CDC14A: variants seen among roughly 807,000 people sequenced by gnomAD.
CDC14A encodes the protein cell division cycle 14A.
In CDC14A, 53 loss-of-function variants were observed where a neutral mutation model predicts 74.4. The ratio of observed to expected loss-of-function variants is 0.71; its 90% CI spans 0.57 to 0.89. The LOEUF (loss-of-function observed/expected upper bound fraction) is 0.89. Ranked by LOEUF, CDC14A falls within the 40% of genes least tolerant of loss-of-function variation. The probability of loss-of-function intolerance (pLI) is 0.00; values close to 1 mark genes in which losing one functional copy is unlikely to be tolerated. For synonymous variants in CDC14A, 247 were observed against 258.4 expected (o/e 0.96, Z 0.43); for missense variants, 646 against 713.7 (o/e 0.91, Z 1.08).
chr1:100,350,088 A>G (rs921368575), upstream of CDC14A, among the ~76,000 whole-genome samples: 13 of 152,130 alleles, frequency 8.5e-5, no homozygotes, highest in African/African-American at 3.1e-4. Flanking sequence ...AGTAGCTGGG[A>G]TTACAGGTGT....
chr1:100,455,440 A>C lies in CDC14A; in HGVS notation c.555A>C (p.Pro185=), dbSNP rs1401679531. ...VENGDFNWIV[P]GKFLAFSGPH... The stretch of plus-strand genomic sequence containing the variant: ...ATGGTGACTTCAACTGGATTGTTCC[A>C]GGAAAATTTTTAGCATTTAGTGGAC... Residue 185 remains proline (P), a synonymous_variant, in exon 8 of 16, where the codon CCA becomes CCC. Coordinates refer to ENST00000336454, the MANE Select transcript of CDC14A (RefSeq NM_003672.4). 2 of 1,603,668 alleles carry C rather than the reference A, an allele frequency of 1.2e-6. No individual in the cohort carries two copies. Among genetic ancestry groups the C allele is most frequent in the South Asian group, 2.3e-5 (2 of 86,934 alleles).
intron 5 of CDC14A, among the ~76,000 whole-genome samples, chr1:100,438,731 G>A: frequency 6.6e-6 from 1 of 152,236 alleles, no homozygotes; most frequent in East Asian, 1.9e-4. Flanking sequence ...TCGGGATGCT[G>A]AAACTCAGGG....
chr1:100,452,135 A>C (rs1334896243), intron 7 of CDC14A, among the ~76,000 whole-genome samples: 2 of 152,210 alleles, frequency 1.3e-5, no homozygotes, highest in African/African-American at 2.4e-5. Flanking sequence ...TACAGTAGTA[A>C]AAAGGTCAAA....
chr1:100,356,611 T>G (rs531686510), intron 2 of CDC14A, among the ~76,000 whole-genome samples: 25 of 151,998 alleles, frequency 1.6e-4, no homozygotes, highest in South Asian at 4.1e-4. Flanking sequence ...ATCACAGCAC[T>G]TTGGGAGGCC....
intron 10 of CDC14A, among the ~76,000 whole-genome samples, chr1:100,472,074 G>A (rs772682376): frequency 1.7e-4 from 26 of 151,970 alleles, no homozygotes; most frequent in Non-Finnish European, 1.0e-4. Flanking sequence ...ATAATAATGG[G>A]CACTGTACTT....
chr1:100,355,102 G>A (rs1651702501), intron 2 of CDC14A, among the ~76,000 whole-genome samples: 1 of 152,214 alleles, frequency 6.6e-6, no homozygotes, highest in Admixed American at 6.5e-5. Flanking sequence ...CTGAGTCCCT[G>A]GTGTCAGATT....
intron 11 of CDC14A, among the ~76,000 whole-genome samples, chr1:100,487,852 A>G (rs1400670604): frequency 3.3e-5 from 5 of 152,134 alleles, no homozygotes; most frequent in African/African-American, 4.8e-5. Flanking sequence ...GCCTTGCACT[A>G]TACTTTTCCC....
At chr1:100,369,140 A>G (rs951578660) in intron 2 of CDC14A, among the ~76,000 whole-genome samples, 3 of 149,780 alleles carry the variant, frequency 2.0e-5, no homozygotes, top group Admixed American at 6.7e-5. Flanking sequence ...GCAGTGGCGC[A>G]ATCTCGGCTC....
chr1:100,505,091 A>G, intron 15 of CDC14A: 1 of 293,912 alleles, frequency 3.4e-6, no homozygotes, highest in Non-Finnish European at 5.1e-6. Flanking sequence ...GTTCTTTTAT[A>G]GTTCATGGTT....
chr1:100,415,295 T>G (rs1661394348), intron 4 of CDC14A, among the ~76,000 whole-genome samples: 1 of 152,228 alleles, frequency 6.6e-6, no homozygotes, highest in Non-Finnish European at 1.5e-5. Context: ...GTTTGTTGAC[T>G]GTATGTTAAA....
At chr1:100,390,377 G>A (rs1052002656) in intron 3 of CDC14A, among the ~76,000 whole-genome samples, 3 of 152,116 alleles carry the variant, frequency 2.0e-5, no homozygotes, top group Non-Finnish European at 4.4e-5. Flanking sequence ...AGTTGGAGTG[G>A]CATGTAGGGG....
At chr1:100,451,717 G>A (rs1666160088) in intron 7 of CDC14A, among the ~76,000 whole-genome samples, 1 of 152,154 alleles carries the variant, frequency 6.6e-6, no homozygotes, top group Non-Finnish European at 1.5e-5. Context: ...AGTATCGCAT[G>A]TTCAAAGTGT....
chr1:100,400,757 T>A (rs543779108), intron 4 of CDC14A, among the ~76,000 whole-genome samples: 1 of 152,230 alleles, frequency 6.6e-6, no homozygotes, highest in Non-Finnish European at 1.5e-5. Flanking sequence ...TAGAGCAGTG[T>A]CACCTCTTAA....
At chr1:100,364,273 T>A (rs559922835) in intron 2 of CDC14A, among the ~76,000 whole-genome samples, 4 of 152,150 alleles carry the variant, frequency 2.6e-5, no homozygotes, top group Admixed American at 2.6e-4. Context: ...AGTGGCCCGA[T>A]GTCGGCTCAC....
intron 3 of CDC14A, among the ~76,000 whole-genome samples, chr1:100,389,408 C>T (rs1009933993): frequency 1.4e-5 from 2 of 146,640 alleles, no homozygotes; most frequent in Non-Finnish European, 1.5e-5. Flanking sequence ...GCCGAGGTTG[C>T]GCCACTGCAC....
At chr1:100,429,234 T>TAAATAAATAAAAAAAA (rs60569646) in intron 5 of CDC14A, among the ~76,000 whole-genome samples, 2 of 146,500 alleles carry the variant, frequency 1.4e-5, no homozygotes, top group African/African-American at 5.1e-5. Flanking sequence ...AATAAATAAA[T>TAAATAAATAAAAAAAA]ATAAAATAAA....
chr1:100,478,758 CT>C (rs1669170134), intron 10 of CDC14A, among the ~76,000 whole-genome samples: 1 of 152,190 alleles, frequency 6.6e-6, no homozygotes, highest in Non-Finnish European at 1.5e-5. Flanking sequence ...AAAAATTCCC[CT>C]GTTCTACTTT....
At chr1:100,357,184 ATTTGAGG>A (rs1184125624) in intron 2 of CDC14A, among the ~76,000 whole-genome samples, 1 of 152,318 alleles carries the variant, frequency 6.6e-6, no homozygotes, top group East Asian at 1.9e-4. Context: ...TATCACATAC[ATTTGAGG>A]TTCTTAAATT....
chr1:100,468,204 G>T, intron 10 of CDC14A, 110 bp downstream of exon 10: 4 of 1,191,234 alleles, frequency 3.4e-6, no homozygotes, highest in Non-Finnish European at 3.6e-6. Flanking sequence ...TGGCTGCATT[G>T]TTAAGAGAAG....
Sources: allele counts gnomAD v4.1 joint callset (sites outside exome capture counted in the v4.1 genomes callset), GRCh38; gene constraint gnomAD v4.1.1; transcripts MANE v1.5; gene names NCBI Gene and HGNC (gene_info 2026-07-23, HGNC 2026-07-21).